ATRIP: variants seen among roughly 807,000 people sequenced by gnomAD.
ATRIP encodes ATR-interacting protein.
Under a neutral mutation model 78.1 loss-of-function variants are expected in ATRIP, and 44 were observed. The ratio of observed to expected loss-of-function variants is 0.56; its 90% CI spans 0.44 to 0.72. The LOEUF is 0.72. ATRIP is among the 30% of genes least tolerant of loss of function. The probability of loss-of-function intolerance (pLI) is 0.00; values close to 1 mark genes in which losing one functional copy is unlikely to be tolerated. For missense variants in ATRIP, 927 were observed against 980.2 expected, an observed-to-expected ratio of 0.95 and a Z score of 0.72; for synonymous variants, 388 against 408.9, an observed-to-expected ratio of 0.95 and a Z score of 0.62.
At chr3:48,460,081 A>C in intron 7 of ATRIP, 29 bp from the exon 8 acceptor site, 3 of 1,587,132 alleles carry the variant, frequency 1.9e-6, no homozygotes, top group Admixed American at 3.5e-5. Flanking sequence ...TCCCACACTT[A>C]ATCTATTTTT....
rs1300418862 is a variant in ATRIP, at chr3:48,457,346, T to C, written c.759T>C (p.Phe253=). 6.2e-6 allele frequency: 10 copies of C among 1,609,100 alleles called. No individual in the cohort carries two copies. The highest frequency in any genetic ancestry group is 8.5e-6 in the Non-Finnish European group (10 of 1,178,026). Residue 253 remains phenylalanine (F), a synonymous_variant, in exon 5 of 13, where the codon TTT becomes TTC. Coordinates refer to ENST00000320211, the MANE Select transcript of ATRIP (RefSeq NM_130384.3). ...CATCTTTTCCTACAAAGGAGTCTTT[T>C]AGTGCTAACATGTCCCTTCCCCACC... is the stretch of plus-strand genomic sequence containing the variant. ...GKTSFPTKES[F]SANMSLPHPC...
At chr3:48,465,190 G>T in intron 12 of ATRIP, 107 bp downstream of exon 12, 1 of 1,413,490 alleles carries the variant, frequency 7.1e-7, no homozygotes, top group South Asian at 1.3e-5. Context: ...GCCCACTGCA[G>T]CCTGTTCCAG....
chr3:48,456,970 G>C (rs2039970071), intron 4 of ATRIP, among the ~76,000 whole-genome samples: 1 of 152,124 alleles, frequency 6.6e-6, no homozygotes, highest in African/African-American at 2.4e-5. Flanking sequence ...TGGGAGGCCA[G>C]AGTGGGTGGA....
chr3:48,461,559 G>A (rs1429039911), intron 8 of ATRIP: 1 of 152,290 alleles, frequency 6.6e-6, no homozygotes, highest in East Asian at 1.9e-4. Context: ...TTTTTGGTTG[G>A]TCTGGCCCAT....
Position 48,463,972 on chromosome 3 carries a change from C to T in ATRIP, c.1883-69C>T, listed in dbSNP as rs2040192749. 3.7e-6 allele frequency: 6 copies of T among 1,604,750 alleles called. No homozygotes were observed. The Admixed American group carries it at 6.7e-5, about 18-fold the overall frequency. ...CAGGGTCAAGGGCCTCAGAGGGCTT[C>T]TGCAGTATGTAGCCCACGCTCTTTA... On this transcript the variant is annotated intron_variant, in intron 9 of 12. Transcript: ENST00000320211.
rs1560112016 is a variant in ATRIP at position 48,466,940 on chromosome 3, TG to T, written c.*1389del. The T allele has an allele frequency of 6.2e-7, 1 of 1,611,708 alleles. No homozygotes were observed. Among genetic ancestry groups the T allele is most frequent in the South Asian group, 1.1e-5 (1 of 91,092 alleles). On this transcript the variant is annotated 3_prime_UTR_variant, in exon 13 of 13. Coordinates refer to ENST00000320211, the MANE Select transcript of ATRIP (RefSeq NM_130384.3). Reference sequence around the variant, plus strand: ...TGAGCACAGCTGTGCTGGCAGCGCATGGGCGTCAATGTTTTGATGACAACCT... The same window carrying T: ...TGAGCACAGCTGTGCTGGCAGCGCATGGCGTCAATGTTTTGATGACAACCT...
chr3:48,459,970 A>G, intron 7 of ATRIP, 54 bp downstream of exon 7: 1 of 1,577,062 alleles, frequency 6.3e-7, no homozygotes, highest in Non-Finnish European at 8.6e-7. Flanking sequence ...CTGGAAGCAA[A>G]TTCCTTTCTG....
In ATRIP at chr3:48,467,638, G is replaced by A. The variant is rs765426987; in HGVS notation, c.*2084G>A. 25 of 1,594,076 alleles carry A rather than the reference G, an allele frequency of 1.6e-5. No homozygotes were observed. The African/African-American group carries it at 3.1e-4, about 20-fold the overall frequency. On this transcript the variant is annotated 3_prime_UTR_variant, in exon 13 of 13. Transcript: ENST00000320211. ...AATCTGACGAATAAAGACCCCCGCT[G>A]CCCCATAGCACTGAGTGGTCAATTG...
chr3:48,451,977 C>T (rs1208679085), intron 3 of ATRIP, 78 bp downstream of exon 3: 46 of 1,375,802 alleles, frequency 3.3e-5, no homozygotes, highest in Non-Finnish European at 4.5e-5. Flanking sequence ...GTAAATCTTC[C>T]AGGGAGATTT....
At position 48,453,163 on chromosome 3, in the gene ATRIP, C is replaced by T. The variant is rs1354024926; in HGVS notation, c.553-1137C>T. ...CCTTCCAAAGTGCTGAGATTACAGGCGTGAGCCACAATGCCCAGCCTGTTT... is the reference window on the plus strand; with the variant it reads ...CCTTCCAAAGTGCTGAGATTACAGGTGTGAGCCACAATGCCCAGCCTGTTT... On this transcript the variant is annotated intron_variant, in intron 3 of 12. Coordinates refer to ENST00000320211, the MANE Select transcript of ATRIP (RefSeq NM_130384.3). Among the ~76,000 whole-genome samples the T allele has an allele frequency of 3.9e-5, 6 of 152,208 alleles. 1 individual carries two copies. The highest frequency in any genetic ancestry group is 4.8e-5 in the African/African-American group (2 of 41,528).
chr3:48,464,628 C>G lies in ATRIP; in HGVS notation c.2021C>G (p.Pro674Arg). 6.2e-7 allele frequency: 1 copy of G among 1,614,176 alleles called. No individual in the cohort carries two copies. The highest frequency in any genetic ancestry group is 1.1e-5 in the South Asian group (1 of 91,084). The change falls in exon 11 of 13, where the codon CCA becomes CGA. Residue 674 changes from proline (P) to arginine (R), a missense_variant. Transcript: ENST00000320211. Reference sequence around the variant, plus strand: ...CTTGGTGTGCAGAGCCCCTTGCCCCCAGTCACTGGCTCCAACTGCCAGTGT... The same window carrying G: ...CTTGGTGTGCAGAGCCCCTTGCCCCGAGTCACTGGCTCCAACTGCCAGTGT... The part of the protein sequence containing the change: ...AKLGVQSPLP[P>R]VTGSNCQCNV...
rs2040295862 is a variant in ATRIP at position 48,466,364 on chromosome 3, C to T, written c.*810C>T. 2 of 1,334,846 alleles carry T rather than the reference C, an allele frequency of 1.5e-6. No homozygotes were observed. The highest frequency in any genetic ancestry group is 1.5e-5 in the African/African-American group (1 of 68,858). 82.7% of individuals were successfully genotyped at this position (1,334,846 alleles called of 1,614,324 possible). On this transcript the variant is annotated 3_prime_UTR_variant, in exon 13 of 13. Coordinates refer to ENST00000320211, the MANE Select transcript of ATRIP (RefSeq NM_130384.3). ...CAGGGCAGGAGGGCCATGGGTTCCC[C>T]CACCCCAGACTAAGGGGGCACTAGG...
rs769310548 is a variant in ATRIP, at chr3:48,467,583, G to A, written c.*2029G>A. ...AGCCACACTGTATGGACTATCCCTG[G>A]CCACACCTGGGGAGTAGGCCAAGAA... is the stretch of plus-strand genomic sequence containing the variant. On this transcript the variant is annotated 3_prime_UTR_variant, in exon 13 of 13. Coordinates refer to ENST00000320211, the MANE Select transcript of ATRIP (RefSeq NM_130384.3). 1.9e-6 allele frequency: 3 copies of A among 1,612,680 alleles called. No homozygotes were observed. In the South Asian group the frequency reaches 3.3e-5, roughly 18 times the overall value.
At position 48,466,433 on chromosome 3, in the gene ATRIP, C is replaced by T. The variant is rs574139084; in HGVS notation, c.*879C>T. 4.3e-6 allele frequency: 7 copies of T among 1,611,182 alleles called. No individual in the cohort carries two copies. Among genetic ancestry groups the T allele is most frequent in the Non-Finnish European group, 5.1e-6 (6 of 1,178,620 alleles). ...GAAGAGGGAGACCCTCTCAGACAGT[C>T]GAATGTGCTGGTCCCACTAAGGAAA... is the stretch of plus-strand genomic sequence containing the variant. On this transcript the variant is annotated 3_prime_UTR_variant, in exon 13 of 13. Coordinates refer to ENST00000320211, the MANE Select transcript of ATRIP (RefSeq NM_130384.3).
At position 48,446,989 on chromosome 3, in the gene ATRIP, G is replaced by C. The variant is rs770346954; in HGVS notation, c.144G>C (p.Pro48=). 1 of 1,575,262 alleles carries C rather than the reference G, an allele frequency of 6.3e-7. No individual in the cohort carries two copies. Among genetic ancestry groups the C allele is most frequent in the African/African-American group, 1.4e-5 (1 of 71,384 alleles). ...CCGCTGCCCCGGACCCTGACGACCC[G>C]TTCGGCGCGCATGGGGACTTCACTG... ...SAAAAPDPDD[P]FGAHGDFTAD... Residue 48 remains proline (P), a synonymous_variant, in exon 1 of 13, where the codon CCG becomes CCC. Transcript: ENST00000320211.
chr3:48,460,945 G>A, intron 8 of ATRIP, 146 bp downstream of exon 8: 2 of 765,686 alleles, frequency 2.6e-6, no homozygotes, highest in Non-Finnish European at 4.0e-6. Context: ...CTGAAGTGAT[G>A]GGAAGTGGGG....
At chr3:48,463,657 A>G (rs2107236333) in intron 8 of ATRIP, 88 bp from the exon 9 acceptor site, 1 of 1,548,868 alleles carries the variant, frequency 6.5e-7, no homozygotes, top group Non-Finnish European at 8.8e-7. Context: ...GACTTGCTCA[A>G]TTTTCTGTTA....
chr3:48,467,293 A>G lies in ATRIP; in HGVS notation c.*1739A>G, dbSNP rs1356874913. Reference sequence around the variant, plus strand: ...CTCAGCATCTGTCAGTGGAGACCACAGGCCCTGCTGCGGTGGGTGGATGCT... The same window carrying G: ...CTCAGCATCTGTCAGTGGAGACCACGGGCCCTGCTGCGGTGGGTGGATGCT... On this transcript the variant is annotated 3_prime_UTR_variant, in exon 13 of 13. Transcript: ENST00000320211. The G allele has an allele frequency of 6.2e-7, 1 of 1,614,130 alleles. No individual in the cohort carries two copies. Among genetic ancestry groups the G allele is most frequent in the Admixed American group, 1.7e-5 (1 of 60,030 alleles).
chr3:48,447,022 C>T lies in ATRIP; in HGVS notation c.177C>T (p.Asp59=). 2 of 1,573,524 alleles carry T rather than the reference C, an allele frequency of 1.3e-6. No homozygotes were observed. The highest frequency in any genetic ancestry group is 1.8e-5 in the Admixed American group (1 of 54,692). Reference sequence around the variant, plus strand: ...CGCATGGGGACTTCACTGCCGACGACCTGGAGGAGCTTGACACCCTCGCGT... The same window carrying T: ...CGCATGGGGACTTCACTGCCGACGATCTGGAGGAGCTTGACACCCTCGCGT... ...FGAHGDFTAD[D]LEELDTLASQ... is the part of the protein sequence containing the mutation. Residue 59 remains aspartate (D), a synonymous_variant, in exon 1 of 13, where the codon GAC becomes GAT. Transcript: ENST00000320211.
Sources: gnomAD v4.1 joint callset for allele counts (sites outside exome capture counted in the v4.1 genomes callset) on GRCh38, gnomAD v4.1.1 for gene constraint, MANE v1.5 for transcripts, NCBI Gene and HGNC (gene_info 2026-07-23, HGNC 2026-07-21) for gene names.